AVPR1B: variants seen among roughly 807,000 people sequenced by gnomAD.
AVPR1B encodes vasopressin V1b receptor.
Under a neutral mutation model 27.5 loss-of-function variants are expected in AVPR1B, and 25 were observed. That is an observed-to-expected ratio of 0.91 (90% CI 0.66 to 1.27). AVPR1B has a LOEUF of 1.27. Ranked by LOEUF, AVPR1B falls within the 50% of genes most tolerant of loss-of-function variation. The pLI, the probability that AVPR1B is intolerant of heterozygous loss-of-function variation, is 0.00. For missense variants in AVPR1B, 595 were observed against 556.9 expected (o/e 1.07, Z -0.69); for synonymous variants, 248 against 240.2 (o/e 1.03, Z -0.30).
chr1:206,111,999 G>T (rs547908298), intron 1 of AVPR1B, among the ~76,000 whole-genome samples: 3 of 152,324 alleles, frequency 2.0e-5, no homozygotes, highest in African/African-American at 7.2e-5. Flanking sequence ...TTCAAGACCA[G>T]CCTGGCCAAC....
At position 206,116,470 on chromosome 1, in the gene AVPR1B, G is replaced by T. The variant is rs782392564; in HGVS notation, c.421C>A (p.Arg141Ser). 6 of 1,613,774 alleles carry T rather than the reference G, an allele frequency of 3.7e-6. No homozygotes were observed. The highest frequency in any genetic ancestry group is 1.1e-5 in the South Asian group (1 of 91,084). Residue 141 changes from arginine to serine, a missense_variant, in exon 1 of 2, where the codon CGC (arginine) becomes AGC (serine). Coordinates refer to ENST00000367126, the MANE Select transcript of AVPR1B (RefSeq NM_000707.5). ...GACTGGCCTGGCTGCTGGAGGCTGC[G>T]CAGGGGGTGACAGACAGCCAGGTAG... is the stretch of plus-strand genomic sequence containing the variant. ...DRYLAVCHPL[R>S]SLQQPGQSTY...
chr1:206,112,780 C>T (rs994988955), intron 1 of AVPR1B, among the ~76,000 whole-genome samples: 2 of 152,222 alleles, frequency 1.3e-5, no homozygotes, highest in East Asian at 3.8e-4. Context: ...TGAGCCACCA[C>T]ACCCAGCCTG....
At position 206,110,478 on chromosome 1, in the gene AVPR1B, A is replaced by T; in HGVS notation, c.986T>A (p.Leu329His). ...AFTISMLLGN[L>H]NSCCNPWIYM... is the part of the protein sequence containing the mutation. The stretch of plus-strand genomic sequence containing the variant: ...GATCCAGGGGTTGCAGCAGCTGTTG[A>T]GGTTGCCCAAAAGCATAGAGATGGT... The change falls in exon 2 of 2, where the codon CTC becomes CAC. Residue 329 changes from leucine to histidine, a missense_variant. Coordinates refer to ENST00000367126, the MANE Select transcript of AVPR1B (RefSeq NM_000707.5). The T allele has an allele frequency of 1.2e-6, 2 of 1,613,784 alleles. No homozygotes were observed. The highest frequency in any genetic ancestry group is 1.7e-6 in the Non-Finnish European group (2 of 1,179,784).
In AVPR1B at chr1:206,110,494, T is replaced by C. The variant is rs782545617; in HGVS notation, c.970A>G (p.Met324Val). 6.2e-7 allele frequency: 1 copy of C among 1,612,260 alleles called. No individual in the cohort carries two copies. Among genetic ancestry groups the C allele is most frequent in the Non-Finnish European group, 8.5e-7 (1 of 1,178,778 alleles). Residue 324 changes from methionine (M) to valine (V), a missense_variant, in exon 2 of 2, where the codon ATG becomes GTG. By Grantham distance (21) the Met-to-Val change is conservative. Transcript: ENST00000367126. ...CAGCTGTTGAGGTTGCCCAAAAGCA[T>C]AGAGATGGTGAAAGCCACATTGGTG... ...DSTNVAFTIS[M>V]LLGNLNSCCN... is the part of the protein sequence containing the mutation.
At chr1:206,115,864 C>T in intron 1 of AVPR1B, 87 bp downstream of exon 1, 1 of 1,359,934 alleles carries the variant, frequency 7.4e-7, no homozygotes, top group Non-Finnish European at 9.9e-7. Flanking sequence ...CCTGCCTGGC[C>T]CTGGGAGGCA....
At chr1:206,115,505 A>C (rs1194841718) in intron 1 of AVPR1B, among the ~76,000 whole-genome samples, 2 of 152,184 alleles carry the variant, frequency 1.3e-5, no homozygotes, top group Non-Finnish European at 2.9e-5. Flanking sequence ...CAGGGTTTTC[A>C]TGTGCCAACC....
Position 206,108,215 on chromosome 1 carries a change from G to A in AVPR1B, c.*1974C>T, listed in dbSNP as rs1553289251. ...GAGGCTTCTAAGCCCACTTCACCAGGGCAGATAGACAGGGAAGAAGTATTA... is the reference window on the plus strand; with the variant it reads ...GAGGCTTCTAAGCCCACTTCACCAGAGCAGATAGACAGGGAAGAAGTATTA... On this transcript the variant is annotated 3_prime_UTR_variant, in exon 2 of 2. Coordinates refer to ENST00000367126, the MANE Select transcript of AVPR1B (RefSeq NM_000707.5). 6.6e-6 allele frequency among the ~76,000 whole-genome samples: 1 copy of A among 152,172 alleles called. No individual in the cohort carries two copies.
chr1:206,110,083 C>G lies in AVPR1B; in HGVS notation c.*106G>C. On this transcript the variant is annotated 3_prime_UTR_variant, in exon 2 of 2. Coordinates refer to ENST00000367126, the MANE Select transcript of AVPR1B (RefSeq NM_000707.5). ...TTTTCGCTCCGCTTTAGACAGGGCT[C>G]CTCTAACTCCAACCCTTACCCTCCC... The G allele has an allele frequency of 7.6e-7, 1 of 1,315,808 alleles. No homozygotes were observed. 81.5% of individuals were successfully genotyped at this position (1,315,808 alleles called of 1,614,324 possible). A position where few individuals can be genotyped will look rare whatever the true frequency, so the allele number is the denominator to read the frequency against.
rs1283468673 is a variant in AVPR1B at position 206,107,215 on chromosome 1, G to T, written c.*2974C>A. Among the ~76,000 whole-genome samples, 1 of 152,176 alleles carries T rather than the reference G, an allele frequency of 6.6e-6. No individual in the cohort carries two copies. The highest frequency in any genetic ancestry group is 1.5e-5 in the Non-Finnish European group (1 of 68,042). On this transcript the variant is annotated 3_prime_UTR_variant, in exon 2 of 2. Transcript: ENST00000367126. ...TGTACATAGGTTTTAAGGGACTAAA[G>T]TACTGTCATTCACAGTCACAGGATG...
In AVPR1B at chr1:206,116,481, CAG is replaced by C. The variant is rs1491506132; in HGVS notation, c.408_409del (p.Cys137SerfsTer88). 3.7e-6 allele frequency: 6 copies of C among 1,613,812 alleles called. No individual in the cohort carries two copies. In the African/African-American group the frequency reaches 4.0e-5, roughly 11 times the overall value. ...CTGCTGGAGGCTGCGCAGGGGGTGA[CAG>C]ACAGCCAGGTAGCGGTCCAGCGTCA... is the stretch of plus-strand genomic sequence containing the variant. On this transcript the variant is annotated frameshift_variant, in exon 1 of 2. Coordinates refer to ENST00000367126, the MANE Select transcript of AVPR1B (RefSeq NM_000707.5). LOFTEE classifies it high-confidence loss of function.
rs1488992810 is a variant in AVPR1B, at chr1:206,107,292, TC to T, written c.*2896del. On this transcript the variant is annotated 3_prime_UTR_variant, in exon 2 of 2. Coordinates refer to ENST00000367126, the MANE Select transcript of AVPR1B (RefSeq NM_000707.5). ...GCCAGAGACGGCATTGTTCAGTTTC[TC>T]CTGGGGTTAGCCGTCAGAAATGGGA... 1.3e-5 allele frequency among the ~76,000 whole-genome samples: 2 copies of T among 152,160 alleles called. No homozygotes were observed. Among genetic ancestry groups the T allele is most frequent in the Non-Finnish European group, 2.9e-5 (2 of 68,034 alleles).
At position 206,116,933 on chromosome 1, in the gene AVPR1B, A is replaced by G. The variant is rs782267612; in HGVS notation, c.-43T>C. On this transcript the variant is annotated 5_prime_UTR_variant, in exon 1 of 2. Coordinates refer to ENST00000367126, the MANE Select transcript of AVPR1B (RefSeq NM_000707.5). The stretch of plus-strand genomic sequence containing the variant: ...AGGGAAGGATGAAGGGAGGGTGTGG[A>G]TGCAAGTGGAGAGGTTTGATGGATA... 2 of 1,534,662 alleles carry G rather than the reference A, an allele frequency of 1.3e-6. No homozygotes were observed. Among genetic ancestry groups the G allele is most frequent in the East Asian group, 4.5e-5 (2 of 44,292 alleles).
rs187819797 is a variant in AVPR1B at position 206,107,458 on chromosome 1, G to C, written c.*2731C>G. 8.5e-5 allele frequency among the ~76,000 whole-genome samples: 13 copies of C among 152,174 alleles called. No homozygotes were observed. Among genetic ancestry groups the C allele is most frequent in the Non-Finnish European group, 1.5e-4 (10 of 68,018 alleles). On this transcript the variant is annotated 3_prime_UTR_variant, in exon 2 of 2. Coordinates refer to ENST00000367126, the MANE Select transcript of AVPR1B (RefSeq NM_000707.5). ...CTGCAGAACTTTCACTCATAGATCC[G>C]ATGAGATCCACCATTTCCTTCAGGA...
chr1:206,113,491 C>T (rs1032982863), intron 1 of AVPR1B, among the ~76,000 whole-genome samples: 4 of 152,194 alleles, frequency 2.6e-5, no homozygotes, highest in Non-Finnish European at 5.9e-5. Context: ...TGGGACAACC[C>T]ACTGTCCCAT....
chr1:206,111,022 C>A (rs1331093545), intron 1 of AVPR1B, among the ~76,000 whole-genome samples: 2 of 152,182 alleles, frequency 1.3e-5, no homozygotes, highest in East Asian at 3.9e-4. Flanking sequence ...CTCCTTCTAT[C>A]CCTCAGGGGC....
intron 1 of AVPR1B, 123 bp from the exon 2 acceptor site, chr1:206,110,646 C>A: frequency 1.2e-6 from 1 of 800,584 alleles, no homozygotes; most frequent in South Asian, 1.9e-5. Context: ...AAAGGAGTCA[C>A]TCAGTGTCCT....
At chr1:206,114,323 A>G (rs1366744648) in intron 1 of AVPR1B, among the ~76,000 whole-genome samples, 1 of 152,144 alleles carries the variant, frequency 6.6e-6, no homozygotes, top group Non-Finnish European at 1.5e-5. Context: ...TGCAGGTGTT[A>G]CCCACTATAC....
chr1:206,112,636 T>G (rs547821577), intron 1 of AVPR1B, among the ~76,000 whole-genome samples: 9 of 152,122 alleles, frequency 5.9e-5, no homozygotes, highest in Non-Finnish European at 1.2e-4. Context: ...GGTGAACCAG[T>G]GTGCCACCAT....
Position 206,107,314 on chromosome 1 carries a change from T to C in AVPR1B, c.*2875A>G, listed in dbSNP as rs1242379207. Reference sequence around the variant, plus strand: ...TTCTCCTGGGGTTAGCCGTCAGAAATGGGATTCACCCCAGAGAGCACAGAG... The same window carrying C: ...TTCTCCTGGGGTTAGCCGTCAGAAACGGGATTCACCCCAGAGAGCACAGAG... On this transcript the variant is annotated 3_prime_UTR_variant, in exon 2 of 2. Transcript: ENST00000367126. Among the ~76,000 whole-genome samples the C allele has an allele frequency of 6.6e-6, 1 of 152,166 alleles. No individual in the cohort carries two copies. The highest frequency in any genetic ancestry group is 1.5e-5 in the Non-Finnish European group (1 of 68,024).
Sources: gnomAD v4.1 joint callset for allele counts (sites outside exome capture counted in the v4.1 genomes callset) on GRCh38, gnomAD v4.1.1 for gene constraint, MANE v1.5 for transcripts, NCBI Gene and HGNC (gene_info 2026-07-23, HGNC 2026-07-21) for gene names.